The following SUMF1 variants were observed in gnomAD, a reference collection of about 807,000 sequenced individuals.
SUMF1 encodes the protein sulfatase modifying factor 1.
In SUMF1, 48 loss-of-function variants were observed where a neutral mutation model predicts 47.6. That is an observed-to-expected ratio of 1.01 (90% CI 0.80 to 1.28). The LOEUF (loss-of-function observed/expected upper bound fraction) is 1.28, where lower values mean the gene tolerates loss of function less well. Ranked by LOEUF, SUMF1 falls within the 50% of genes most tolerant of loss-of-function variation. The pLI is 0.00. For missense variants in SUMF1, 571 were observed against 485.4 expected (o/e 1.18, Z -1.66); for synonymous variants, 230 against 192.1 (o/e 1.20, Z -1.63).
intron 8 of SUMF1, among the ~76,000 whole-genome samples, chr3:4,354,298 G>A (rs1699571477): frequency 6.6e-6 from 1 of 152,226 alleles, no homozygotes; most frequent in African/African-American, 2.4e-5. Context: ...AAACTGAAAT[G>A]CAAATTAGCA....
chr3:4,115,110 G>A (rs1390108180), intron 8 of SUMF1, among the ~76,000 whole-genome samples: 1 of 151,982 alleles, frequency 6.6e-6, no homozygotes, highest in East Asian at 1.9e-4. Context: ...GGGCACAAAT[G>A]CAGACAGCTG....
At chr3:4,280,906 C>T (rs963810218) in intron 8 of SUMF1, among the ~76,000 whole-genome samples, 6 of 150,740 alleles carry the variant, frequency 4.0e-5, no homozygotes. Context: ...GATAAGGGCA[C>T]AGTCATGTTG....
intron 8 of SUMF1, among the ~76,000 whole-genome samples, chr3:4,349,712 T>A (rs1179137196): frequency 1.3e-5 from 2 of 152,194 alleles, no homozygotes; most frequent in East Asian, 3.8e-4. Context: ...GAAGCCATTA[T>A]CCTCAGCAAA....
intron 8 of SUMF1, among the ~76,000 whole-genome samples, chr3:4,186,594 T>A (rs1695205279): frequency 6.6e-6 from 1 of 152,252 alleles, no homozygotes. Flanking sequence ...CCTTAGCCAA[T>A]CTCAGTTCAT....
At chr3:4,134,386 T>C (rs1004660209) in intron 8 of SUMF1, among the ~76,000 whole-genome samples, 3 of 152,014 alleles carry the variant, frequency 2.0e-5, no homozygotes, top group African/African-American at 7.3e-5. Context: ...CATAACAAAA[T>C]GAAGGCAGAA....
At chr3:4,225,453 C>G (rs1215925281) in intron 8 of SUMF1, among the ~76,000 whole-genome samples, 5 of 152,066 alleles carry the variant, frequency 3.3e-5, no homozygotes, top group Admixed American at 3.3e-4. Context: ...CAGTAAGCAC[C>G]CAATGAATGC....
At chr3:4,069,835 T>C (rs995379604) in intron 8 of SUMF1, among the ~76,000 whole-genome samples, 1 of 152,190 alleles carries the variant, frequency 6.6e-6, no homozygotes, top group Non-Finnish European at 1.5e-5. Flanking sequence ...TGCCACACTT[T>C]GAAATTACCC....
At chr3:4,443,009 C>T (rs942793684) in intron 3 of SUMF1, among the ~76,000 whole-genome samples, 6 of 151,606 alleles carry the variant, frequency 4.0e-5, no homozygotes, top group Admixed American at 3.3e-4. Context: ...GGCATGGTGG[C>T]TCATGTCTGT....
At chr3:4,095,939 T>C (rs1245459579) in intron 8 of SUMF1, among the ~76,000 whole-genome samples, 2 of 152,148 alleles carry the variant, frequency 1.3e-5, no homozygotes. Context: ...TTCTAATTGA[T>C]TTTTCTCTTC....
At chr3:4,212,365 AAAAG>A (rs945853041) in intron 8 of SUMF1, among the ~76,000 whole-genome samples, 32 of 152,306 alleles carry the variant, frequency 2.1e-4, no homozygotes, top group African/African-American at 7.2e-4. Context: ...AAAGCTAACA[AAAAG>A]AAAGGAATAG....
intron 8 of SUMF1, among the ~76,000 whole-genome samples, chr3:4,339,794 G>A (rs534595173): frequency 6.6e-6 from 1 of 152,254 alleles, no homozygotes; most frequent in Admixed American, 6.5e-5. Context: ...AACACTGACT[G>A]GGCCAGGCAT....
chr3:4,387,833 A>C (rs1700723644), intron 7 of SUMF1, among the ~76,000 whole-genome samples: 1 of 151,920 alleles, frequency 6.6e-6, no homozygotes, highest in Non-Finnish European at 1.5e-5. Context: ...TGACCTAAGG[A>C]TTATTTAGAA....
intron 8 of SUMF1, among the ~76,000 whole-genome samples, chr3:4,110,045 T>C (rs964117060): frequency 1.3e-5 from 2 of 152,070 alleles, no homozygotes; most frequent in African/African-American, 4.8e-5. Flanking sequence ...TTTTTCCCCA[T>C]CTTTGTGGTT....
chr3:4,432,686 C>T (rs770565612), intron 3 of SUMF1, among the ~76,000 whole-genome samples: 1 of 152,152 alleles, frequency 6.6e-6, no homozygotes. Context: ...CATTTTCTAT[C>T]CATTATTCTG....
intron 8 of SUMF1, among the ~76,000 whole-genome samples, chr3:4,292,401 G>T (rs187174234): frequency 6.6e-6 from 1 of 152,180 alleles, no homozygotes; most frequent in African/African-American, 2.4e-5. Flanking sequence ...TGCAGTACAT[G>T]ACAAGAAGGG....
chr3:4,137,703 A>G (rs1260481731), intron 8 of SUMF1, among the ~76,000 whole-genome samples: 1 of 152,128 alleles, frequency 6.6e-6, no homozygotes, highest in Non-Finnish European at 1.5e-5. Flanking sequence ...CACAACTAAC[A>G]TCATACTTAA....
intron 8 of SUMF1, among the ~76,000 whole-genome samples, chr3:4,107,671 G>A (rs1014736400): frequency 1.3e-5 from 2 of 151,972 alleles, no homozygotes; most frequent in South Asian, 4.2e-4. Flanking sequence ...CAAATATCAG[G>A]GCCTAGTGTG....
intron 8 of SUMF1, among the ~76,000 whole-genome samples, chr3:4,172,693 GT>G (rs11292890): frequency 0.66 from 100,438 of 151,634 alleles, 33,391 homozygotes; most frequent in South Asian, 0.73. Flanking sequence ...TGATGGGGTT[GT>G]TTTTTTTGTT....
chr3:4,076,251 A>G (rs145676027), intron 8 of SUMF1, among the ~76,000 whole-genome samples: 1 of 152,302 alleles, frequency 6.6e-6, no homozygotes, highest in Non-Finnish European at 1.5e-5. Flanking sequence ...AGGATTCCCT[A>G]TTTAATAAAT....
Sources: gnomAD v4.1 joint callset for allele counts (sites outside exome capture counted in the v4.1 genomes callset) on GRCh38, gnomAD v4.1.1 for gene constraint, MANE v1.5 for transcripts, NCBI Gene and HGNC (gene_info 2026-07-23, HGNC 2026-07-21) for gene names.